The following VCF1 variants were observed in gnomAD, a reference collection of about 807,000 sequenced individuals.
The protein encoded by VCF1 is VCP nuclear cofactor family member 1.
the VCF1 span, among the ~76,000 whole-genome samples, chr17:73,231,146 A>G: frequency 6.6e-6 from 1 of 152,212 alleles, no homozygotes; most frequent in African/African-American, 2.4e-5. Flanking sequence ...CCAATGCAGC[A>G]GCTTGGGGAA....
At chr17:73,220,228 A>G in the VCF1 span, among the ~76,000 whole-genome samples, 7 of 152,336 alleles carry the variant, frequency 4.6e-5, no homozygotes, top group East Asian at 9.6e-4. Context: ...TTTTTAAAAA[A>G]TCACCCAACA....
At chr17:73,218,678 A>G in the VCF1 span, among the ~76,000 whole-genome samples, 6 of 152,130 alleles carry the variant, frequency 3.9e-5, no homozygotes, top group African/African-American at 1.4e-4. Flanking sequence ...TGGGCTCGGG[A>G]GTTCGAGACC....
chr17:73,220,257 G>A, the VCF1 span, among the ~76,000 whole-genome samples: 1 of 152,116 alleles, frequency 6.6e-6, no homozygotes, highest in Non-Finnish European at 1.5e-5. Flanking sequence ...ATTCTTATCA[G>A]TTAAAACAAA....
the VCF1 span, among the ~76,000 whole-genome samples, chr17:73,225,030 G>C: frequency 5.1e-3 from 638 of 125,140 alleles, 7 homozygotes; most frequent in African/African-American, 0.015. Flanking sequence ...GACAGGACAG[G>C]ACAGCACAGG....
the VCF1 span, chr17:73,209,358 G>T: frequency 2.3e-6 from 2 of 883,398 alleles, no homozygotes; most frequent in Non-Finnish European, 3.4e-6. Flanking sequence ...TTGCAATAGT[G>T]CAGCAAAACC....
chr17:73,209,221 G>A, the VCF1 span: 1 of 377,974 alleles, frequency 2.6e-6, no homozygotes, highest in Non-Finnish European at 4.8e-6. Context: ...TTGGAAATCA[G>A]TCTGAATGGG....
the VCF1 span, chr17:73,227,042 A>T: frequency 1.4e-6 from 1 of 720,886 alleles, no homozygotes; most frequent in Non-Finnish European, 2.2e-6. Context: ...CAGAAAGGTT[A>T]AACCAGTATA....
At chr17:73,216,246 G>C in the VCF1 span, among the ~76,000 whole-genome samples, 1 of 152,182 alleles carries the variant, frequency 6.6e-6, no homozygotes, top group Non-Finnish European at 1.5e-5. Flanking sequence ...CCACCCCCGA[G>C]GAGGACAGAA....
At chr17:73,227,327 A>G in the VCF1 span, 9 of 1,318,430 alleles carry the variant, frequency 6.8e-6, no homozygotes, top group Non-Finnish European at 8.3e-6. Context: ...TGGACACTTG[A>G]ATTGCAAACC....
chr17:73,215,039 G>C, the VCF1 span, among the ~76,000 whole-genome samples: 1 of 152,210 alleles, frequency 6.6e-6, no homozygotes, highest in African/African-American at 2.4e-5. Context: ...AGCTGCGTGT[G>C]ATCTGTGAAA....
At chr17:73,222,776 CAAAA>C in the VCF1 span, among the ~76,000 whole-genome samples, 1 of 117,918 alleles carries the variant, frequency 8.5e-6, no homozygotes, top group Admixed American at 8.8e-5. Context: ...AACTCTGTCT[CAAAA>C]AAAAAAAAAA....
At chr17:73,227,696 T>C in the VCF1 span, 1 of 985,256 alleles carries the variant, frequency 1.0e-6, no homozygotes, top group Non-Finnish European at 1.2e-6. Context: ...TTTGCCTATT[T>C]GCCCTGAAAA....
the VCF1 span, among the ~76,000 whole-genome samples, chr17:73,213,233 A>ACT: frequency 0.58 from 86,736 of 150,084 alleles, 25,224 homozygotes; most frequent in Non-Finnish European, 0.62. Flanking sequence ...ACAAAGCAAG[A>ACT]CTGTCTCAAA....
chr17:73,207,933 TTAAA>T, the VCF1 span: 1 of 1,194,716 alleles, frequency 8.4e-7, no homozygotes, highest in Non-Finnish European at 1.1e-6. Context: ...AGATGGTAGT[TTAAA>T]AAAAAAAAAA....
the VCF1 span, among the ~76,000 whole-genome samples, chr17:73,229,867 CAAAAAAAAAA>C: frequency 0.03 from 668 of 22,574 alleles, 15 homozygotes; most frequent in African/African-American, 0.093. Context: ...GACTCCATCT[CAAAAAAAAAA>C]AAAAAAAAAA....
chr17:73,209,184 A>G, the VCF1 span: 1 of 282,812 alleles, frequency 3.5e-6, no homozygotes, highest in Non-Finnish European at 6.6e-6. Flanking sequence ...GGCCCTTTAC[A>G]TAAAGTAGAG....
chr17:73,209,852 T>C, the VCF1 span: 5 of 1,505,732 alleles, frequency 3.3e-6, no homozygotes, highest in Non-Finnish European at 4.4e-6. Flanking sequence ...CAGCGCTCTA[T>C]TAAGAGTACC....
the VCF1 span, among the ~76,000 whole-genome samples, chr17:73,226,718 G>A: frequency 5.3e-5 from 8 of 152,128 alleles, no homozygotes; most frequent in African/African-American, 1.7e-4. Flanking sequence ...ATAATGAAAA[G>A]TAAAAACACT....
the VCF1 span, among the ~76,000 whole-genome samples, chr17:73,223,185 C>CA: frequency 6.6e-6 from 1 of 152,226 alleles, no homozygotes; most frequent in South Asian, 2.1e-4. Context: ...GGTGTGGTGG[C>CA]ACATGCCTGT....
Sources: gnomAD v4.1 joint callset for allele counts (sites outside exome capture counted in the v4.1 genomes callset) on GRCh38, gnomAD v4.1.1 for gene constraint, MANE v1.5 for transcripts, NCBI Gene and HGNC (gene_info 2026-07-23, HGNC 2026-07-21) for gene names.